Variants in CUBN observed in about 807,000 individuals in gnomAD.
CUBN encodes the protein 460 kDa receptor.
In CUBN, 282 loss-of-function variants were observed where a neutral mutation model predicts 405.3. The observed-to-expected ratio is 0.70, with a 90% CI of 0.63 to 0.77. The LOEUF (loss-of-function observed/expected upper bound fraction) is 0.77. Ranked by LOEUF, CUBN falls within the 30% of genes least tolerant of loss-of-function variation. The probability of loss-of-function intolerance (pLI) is 0.00; values close to 1 mark genes in which losing one functional copy is unlikely to be tolerated. For synonymous variants in CUBN, 1,684 were observed against 1,617.0 expected, an observed-to-expected ratio of 1.04 and a Z score of -0.99; for missense variants, 4,514 against 4,475.2, an observed-to-expected ratio of 1.01 and a Z score of -0.25.
Position 16,835,161 on chromosome 10 carries a change from G to A in CUBN, c.10215C>T (p.Asn3405=). The change falls in exon 64 of 67, where the codon AAC becomes AAT. Residue 3405 remains asparagine, a synonymous_variant. Transcript: ENST00000377833. The part of the protein sequence containing the change: ...CNRDYHKAFG[N]LRSPGWPDNY... ...TATCTGGCCATCCAGGGCTTCTCAG[G>A]TTGCCAAATGCCTTGTGATAGTCTC... 2 of 1,614,100 alleles carry A rather than the reference G, an allele frequency of 1.2e-6. No individual in the cohort carries two copies. The highest frequency in any genetic ancestry group is 1.1e-5 in the South Asian group (1 of 91,088).
chr10:17,036,030 A>G (rs1834889887), intron 27 of CUBN, among the ~76,000 whole-genome samples: 1 of 152,102 alleles, frequency 6.6e-6, no homozygotes, highest in Non-Finnish European at 1.5e-5. Context: ...TTAAAAAAAA[A>G]AAGTTTTAGC....
intron 34 of CUBN, among the ~76,000 whole-genome samples, chr10:16,949,464 T>TGTGTGTGTGTG (rs1554798711): frequency 0.021 from 1,509 of 71,622 alleles, 27 homozygotes; most frequent in African/African-American, 0.037. Context: ...TGTGTGTGTG[T>TGTGTGTGTGTG]AGTGTGTGTG....
chr10:17,114,302 G>A (rs1469306574), intron 7 of CUBN, 113 bp from the exon 8 acceptor site: 3 of 1,064,900 alleles, frequency 2.8e-6, no homozygotes, highest in Non-Finnish European at 4.3e-6. Flanking sequence ...ATTTCCATAA[G>A]GCCAATCCAC....
At chr10:17,017,338 G>A (rs1261991134) in intron 28 of CUBN, among the ~76,000 whole-genome samples, 1 of 152,028 alleles carries the variant, frequency 6.6e-6, no homozygotes, top group Non-Finnish European at 1.5e-5. Flanking sequence ...CTGCACCCTT[G>A]CCTGTCCTCC....
intron 48 of CUBN, among the ~76,000 whole-genome samples, chr10:16,913,464 T>G (rs2131452082): frequency 6.6e-6 from 1 of 152,216 alleles, no homozygotes; most frequent in African/African-American, 2.4e-5. Context: ...TGCTCAGAAC[T>G]TTCGTGGTGG....
At chr10:17,094,422 C>T (rs1257743439) in intron 14 of CUBN, among the ~76,000 whole-genome samples, 1 of 152,042 alleles carries the variant, frequency 6.6e-6, no homozygotes, top group East Asian at 1.9e-4. Flanking sequence ...ATATGTTCTT[C>T]AGGCTGAAGA....
chr10:17,001,253 G>A (rs1833870616), intron 28 of CUBN, among the ~76,000 whole-genome samples: 1 of 152,220 alleles, frequency 6.6e-6, no homozygotes, highest in Admixed American at 6.5e-5. Flanking sequence ...TTATTGTGAA[G>A]AGCAAAAGAA....
intron 50 of CUBN, among the ~76,000 whole-genome samples, chr10:16,905,101 C>T: frequency 6.6e-6 from 1 of 152,238 alleles, no homozygotes; most frequent in East Asian, 1.9e-4. Context: ...TGATGAGCTT[C>T]TGCTGCTTTC....
intron 40 of CUBN, among the ~76,000 whole-genome samples, chr10:16,932,009 A>G (rs113533121): frequency 9.1e-4 from 139 of 152,314 alleles, no homozygotes; most frequent in African/African-American, 3.2e-3. Context: ...TATGCACAGG[A>G]AGGCTTAGAT....
chr10:16,880,452 G>A (rs1840636920), intron 56 of CUBN, among the ~76,000 whole-genome samples: 1 of 152,186 alleles, frequency 6.6e-6, no homozygotes, highest in South Asian at 2.1e-4. Context: ...AGGAAGCCAG[G>A]CTGCCGTAAG....
rs904752956 is a variant in CUBN at position 16,824,365 on chromosome 10, T to A, written c.*610A>T. 1 of 154,154 alleles carries A rather than the reference T, an allele frequency of 6.5e-6. No homozygotes were observed. Among genetic ancestry groups the A allele is most frequent in the Admixed American group, 6.4e-5 (1 of 15,642 alleles). 9.5% of individuals were successfully genotyped at this position (154,154 alleles called of 1,614,324 possible). ...ACTGCCCCTGGCTATTATTATTAAC[T>A]TTTAAAAATGTATGTCACATATGCC... On this transcript the variant is annotated 3_prime_UTR_variant, in exon 67 of 67. Coordinates refer to ENST00000377833, the MANE Select transcript of CUBN (RefSeq NM_001081.4).
chr10:16,994,612 AAC>A (rs769207790), intron 28 of CUBN, among the ~76,000 whole-genome samples: 84 of 152,364 alleles, frequency 5.5e-4, no homozygotes, highest in Non-Finnish European at 9.8e-4. Context: ...ATCAGGAAAT[AAC>A]ACAGGCAGGG....
chr10:17,011,709 C>T (rs773210357), intron 28 of CUBN, among the ~76,000 whole-genome samples: 16 of 151,910 alleles, frequency 1.1e-4, no homozygotes, highest in East Asian at 3.9e-4. Flanking sequence ...TTTTACAGAG[C>T]GCAGATTGGT....
At chr10:17,052,629 G>A (rs925366349) in intron 22 of CUBN, among the ~76,000 whole-genome samples, 1 of 151,316 alleles carries the variant, frequency 6.6e-6, no homozygotes, top group Non-Finnish European at 1.5e-5. Flanking sequence ...GCGTGCTGGT[G>A]CATGCCTGTA....
intron 27 of CUBN, among the ~76,000 whole-genome samples, chr10:17,039,645 T>C (rs79133122): frequency 0.01 from 1,528 of 152,316 alleles, 23 homozygotes; most frequent in African/African-American, 0.033. Flanking sequence ...GATACCATCC[T>C]GGTATCATTA....
At chr10:16,986,035 G>T (rs1161135541) in intron 29 of CUBN, among the ~76,000 whole-genome samples, 1 of 152,234 alleles carries the variant, frequency 6.6e-6, no homozygotes, top group African/African-American at 2.4e-5. Flanking sequence ...TGTGGGGCTG[G>T]GGAGGGTGGC....
chr10:16,975,784 C>A (rs531994814), intron 31 of CUBN, among the ~76,000 whole-genome samples: 1 of 151,708 alleles, frequency 6.6e-6, no homozygotes, highest in Non-Finnish European at 1.5e-5. Context: ...GCACACACCA[C>A]CACACCCAGC....
intron 62 of CUBN, among the ~76,000 whole-genome samples, chr10:16,837,307 C>T (rs981161361): frequency 6.6e-5 from 10 of 152,044 alleles, no homozygotes; most frequent in African/African-American, 2.2e-4. Context: ...GGGTGGGGGG[C>T]CAGCCTCGGG....
At chr10:16,874,275 C>A in intron 58 of CUBN, 99 bp downstream of exon 58, 1 of 1,270,734 alleles carries the variant, frequency 7.9e-7, no homozygotes, top group Non-Finnish European at 1.1e-6. Flanking sequence ...TCCCTCCAGA[C>A]TGCCGATGAG....
Sources: gnomAD v4.1 joint callset for allele counts (sites outside exome capture counted in the v4.1 genomes callset) on GRCh38, gnomAD v4.1.1 for gene constraint, MANE v1.5 for transcripts, NCBI Gene and HGNC (gene_info 2026-07-23, HGNC 2026-07-21) for gene names.